NTN1: variants seen among roughly 807,000 people sequenced by gnomAD.
The protein encoded by NTN1 is netrin 1.
A neutral mutation model predicts 54.2 loss-of-function variants in NTN1; 11 were observed. That is an observed-to-expected ratio of 0.20 (90% CI 0.13 to 0.34). The LOEUF is 0.34. Among genes scored for constraint, NTN1 ranks in the 10% least tolerant of loss-of-function variants. The pLI, the probability that NTN1 is intolerant of heterozygous loss-of-function variation, is 1.00. For synonymous variants in NTN1, 371 were observed against 382.0 expected, an observed-to-expected ratio of 0.97 and a Z score of 0.33; for missense variants, 740 against 893.1, an observed-to-expected ratio of 0.83 and a Z score of 2.18.
intron 2 of NTN1, among the ~76,000 whole-genome samples, chr17:9,119,731 C>T (rs1484493580): frequency 6.6e-6 from 1 of 152,116 alleles, no homozygotes; most frequent in Non-Finnish European, 1.5e-5. Flanking sequence ...CTCCTGGCCT[C>T]AAGCAATCTT....
rs1434655666 is a variant in NTN1 at position 9,243,189 on chromosome 17, C to T, written c.*3221C>T. On this transcript the variant is annotated 3_prime_UTR_variant, in exon 7 of 7. Transcript: ENST00000173229. ...TGCTGGCTGTGGTCTCTGCCCACTG[C>T]TTCTGTCCTTGGAAAGCAGGGCAGG... The T allele has an allele frequency of 1.3e-5, 2 of 152,162 alleles. No homozygotes were observed. Among genetic ancestry groups the T allele is most frequent in the Non-Finnish European group, 2.9e-5 (2 of 68,034 alleles). The allele number at this position is 152,162 out of a possible 1,614,324, so 9.4% of individuals were successfully genotyped here.
In NTN1 at chr17:9,221,311, G is replaced by A. The variant is rs1434899616; in HGVS notation, c.1486+69G>A. On this transcript the variant is annotated intron_variant, in intron 6 of 6. Coordinates refer to ENST00000173229, the MANE Select transcript of NTN1 (RefSeq NM_004822.3). This position sits in a 1 kb window ranked among gnomAD's most constrained non-coding sequence, Gnocchi z 4.5. ...CGTGACCAGCGAGGTGCTGGGGCTG[G>A]GGTGCAGCTGGCCCCCGATGGGTGT... is the stretch of plus-strand genomic sequence containing the variant. 1.6e-6 allele frequency: 2 copies of A among 1,241,800 alleles called. No individual in the cohort carries two copies. Among genetic ancestry groups the A allele is most frequent in the Non-Finnish European group, 2.4e-6 (2 of 841,706 alleles). 76.9% of individuals were successfully genotyped at this position (1,241,800 alleles called of 1,614,324 possible). A position where few individuals can be genotyped will look rare whatever the true frequency, so the allele number is the denominator to read the frequency against.
intron 2 of NTN1, among the ~76,000 whole-genome samples, chr17:9,089,250 T>C (rs538909437): frequency 1.2e-4 from 19 of 152,198 alleles, no homozygotes; most frequent in African/African-American, 4.6e-4. Flanking sequence ...CCGTCTCTAC[T>C]AAAAATACAA....
intron 2 of NTN1, among the ~76,000 whole-genome samples, chr17:9,042,664 G>GCAGT (rs1165787013): frequency 6.6e-6 from 1 of 152,018 alleles, no homozygotes; most frequent in Non-Finnish European, 1.5e-5. Flanking sequence ...GCGTGCTCCT[G>GCAGT]CAGTCCCAGC....
At chr17:9,171,555 A>T (rs2092387153) in intron 3 of NTN1, 1 of 152,320 alleles carries the variant, frequency 6.6e-6, no homozygotes, top group African/African-American at 2.4e-5. Context: ...AGTTACATGG[A>T]GGAAAGCAGC....
At chr17:9,157,015 A>G (rs2092344808) in intron 2 of NTN1, among the ~76,000 whole-genome samples, 1 of 124,834 alleles carries the variant, frequency 8.0e-6, no homozygotes, top group South Asian at 2.7e-4. Flanking sequence ...CCCTCTCTCC[A>G]TCTATCCATC....
intron 2 of NTN1, among the ~76,000 whole-genome samples, chr17:9,062,295 C>G (rs1012702622): frequency 2.0e-5 from 3 of 152,178 alleles, no homozygotes; most frequent in African/African-American, 4.8e-5. Context: ...GAGAAGCCAT[C>G]TAGGAAAATG....
chr17:9,125,173 C>T (rs117779786), intron 2 of NTN1, among the ~76,000 whole-genome samples: 5,313 of 151,744 alleles, frequency 0.035, 149 homozygotes, highest in Admixed American at 0.091. Context: ...GCAGTCCTCC[C>T]ACCCCAGTCT....
intron 2 of NTN1, among the ~76,000 whole-genome samples, chr17:9,150,730 G>C (rs758904050): frequency 3.3e-5 from 5 of 152,168 alleles, no homozygotes; most frequent in South Asian, 2.1e-4. Flanking sequence ...AAAGCCTTAG[G>C]GGGAGGCATA....
chr17:9,021,283 C>T (rs1336995300), upstream of NTN1, among the ~76,000 whole-genome samples: 2 of 151,914 alleles, frequency 1.3e-5, no homozygotes, highest in African/African-American at 2.4e-5. Flanking sequence ...CCGGGGTTTC[C>T]CCGGGTGCTC....
At chr17:9,059,065 T>A (rs1015602205) in intron 2 of NTN1, among the ~76,000 whole-genome samples, 1 of 152,168 alleles carries the variant, frequency 6.6e-6, no homozygotes, top group Admixed American at 6.5e-5. Flanking sequence ...ACACGTAAAG[T>A]GCATAGAATA....
At chr17:9,095,518 A>G (rs879713906) in intron 2 of NTN1, among the ~76,000 whole-genome samples, 9 of 152,192 alleles carry the variant, frequency 5.9e-5, no homozygotes, top group Admixed American at 2.6e-4. Context: ...CTCCTTTGCC[A>G]TGTGTTAATT....
intron 2 of NTN1, among the ~76,000 whole-genome samples, chr17:9,103,248 C>T (rs949552620): frequency 2.6e-5 from 4 of 152,092 alleles, no homozygotes; most frequent in African/African-American, 7.2e-5. Flanking sequence ...TCACAGGAGC[C>T]GAGAGGTAGA....
intron 4 of NTN1, among the ~76,000 whole-genome samples, chr17:9,181,791 AAGTG>A (rs2092419598): frequency 6.6e-6 from 1 of 152,070 alleles, no homozygotes; most frequent in South Asian, 2.1e-4. Flanking sequence ...TCACCAGGGG[AAGTG>A]AGTCCCTTCC....
At position 9,240,226 on chromosome 17, in the gene NTN1, C is replaced by CA. The variant is rs1224860236; in HGVS notation, c.*258_*259insA. On this transcript the variant is annotated 3_prime_UTR_variant, in exon 7 of 7. Transcript: ENST00000173229. ...GCCGGGCCCTGGAGAAATGACGAGA[C>CA]GTAGCTACCTCACGGGGCTCCTTCC... 1.9e-5 allele frequency: 3 copies of CA among 155,304 alleles called. No individual in the cohort carries two copies. The highest frequency in any genetic ancestry group is 4.2e-5 in the Non-Finnish European group (3 of 70,656). The allele number at this position is 155,304 out of a possible 1,614,324, so 9.6% of individuals were successfully genotyped here.
In NTN1 at chr17:9,243,987, A is replaced by ACT. The variant is rs1040566399; in HGVS notation, c.*4022_*4023dup. 1 of 151,304 alleles carries ACT rather than the reference A, an allele frequency of 6.6e-6. No homozygotes were observed. Among genetic ancestry groups the ACT allele is most frequent in the Non-Finnish European group, 1.5e-5 (1 of 67,904 alleles). The allele number at this position is 151,304 out of a possible 1,614,324, so 9.4% of individuals were successfully genotyped here. A position where few individuals can be genotyped will look rare whatever the true frequency, so the allele number is the denominator to read the frequency against. On this transcript the variant is annotated 3_prime_UTR_variant, in exon 7 of 7. Coordinates refer to ENST00000173229, the MANE Select transcript of NTN1 (RefSeq NM_004822.3). ...ACTAAATTCAGATATCATTAAATAA[A>ACT]CTCTTGTACACTATGCCGTCTCGCA...
chr17:9,215,035 C>A (rs1027518434), intron 5 of NTN1, among the ~76,000 whole-genome samples: 1 of 151,724 alleles, frequency 6.6e-6, no homozygotes, highest in African/African-American at 2.4e-5. Flanking sequence ...TATCGTTTTT[C>A]TCCAGAGTTC....
At chr17:9,015,786 C>T in the NTN1 span, among the ~76,000 whole-genome samples, 1 of 151,970 alleles carries the variant, frequency 6.6e-6, no homozygotes, top group African/African-American at 2.4e-5. Flanking sequence ...AAACAAAACT[C>T]CGGGCCGAGC....
At chr17:9,169,582 T>G (rs1468331579) in intron 3 of NTN1, among the ~76,000 whole-genome samples, 2 of 152,164 alleles carry the variant, frequency 1.3e-5, no homozygotes. Context: ...CCTGGAGGAT[T>G]GGCTGGGTGC....
Sources: gnomAD v4.1 joint callset for allele counts (sites outside exome capture counted in the v4.1 genomes callset) on GRCh38, gnomAD v4.1.1 for gene constraint, Gnocchi (gnomAD v3.1) non-coding constraint, MANE v1.5 for transcripts, NCBI Gene and HGNC (gene_info 2026-07-23, HGNC 2026-07-21) for gene names.